The following CCDC187 variants were observed in gnomAD, a reference collection of about 807,000 sequenced individuals.
The protein encoded by CCDC187 is coiled-coil domain containing 187, also known as coiled-coil domain-containing protein 187.
CCDC187 carries 32 observed loss-of-function variants against 38.0 expected under a neutral mutation model. The observed-to-expected ratio is 0.84, with a 90% CI of 0.64 to 1.13. The LOEUF (loss-of-function observed/expected upper bound fraction) is 1.13, where lower values mean the gene tolerates loss of function less well. Among genes scored for constraint, CCDC187 ranks in the 50% most tolerant of loss-of-function variants. CCDC187 has a pLI of 0.00. For synonymous variants in CCDC187, 333 were observed against 347.9 expected (o/e 0.96, Z 0.48); for missense variants, 707 against 786.8 (o/e 0.90, Z 1.21).
At chr9:136,293,307 T>C (rs1205996082) in intron 4 of CCDC187, among the ~76,000 whole-genome samples, 2 of 136,132 alleles carry the variant, frequency 1.5e-5, no homozygotes, top group South Asian at 2.4e-4. Flanking sequence ...AAACACATGT[T>C]CACACACTCA....
chr9:136,262,016 C>T (rs1197810557), intron 19 of CCDC187, among the ~76,000 whole-genome samples: 5 of 152,250 alleles, frequency 3.3e-5, no homozygotes, highest in African/African-American at 7.2e-5. Flanking sequence ...GGTCATCACT[C>T]CCCCTCCCCT....
intron 7 of CCDC187, among the ~76,000 whole-genome samples, chr9:136,287,893 A>T (rs1831219226): frequency 6.6e-6 from 1 of 152,202 alleles, no homozygotes; most frequent in Non-Finnish European, 1.5e-5. Flanking sequence ...ATAGGGTCTC[A>T]CTATGTTGTC....
intron 2 of CCDC187, among the ~76,000 whole-genome samples, chr9:136,302,027 T>C (rs1213933205): frequency 1.3e-5 from 2 of 151,878 alleles, no homozygotes; most frequent in African/African-American, 2.4e-5. Flanking sequence ...CTGGCCAACA[T>C]GGTGAAACCC....
Position 136,257,916 on chromosome 9 carries a change from A to C in CCDC187, c.4366+1016T>G, listed in dbSNP as rs782161687. Reference sequence around the variant, plus strand: ...AGGGTGAACCCTAGACCACGTGAGAACATAAGTCAGGCCTCAGGCTCCTCC... The same window carrying C: ...AGGGTGAACCCTAGACCACGTGAGACCATAAGTCAGGCCTCAGGCTCCTCC... On this transcript the variant is annotated intron_variant, in intron 22 of 25. Transcript: ENST00000638797. This position sits in a 1 kb window ranked among gnomAD's most constrained non-coding sequence, Gnocchi z 4.5. Among the ~76,000 whole-genome samples the C allele has an allele frequency of 6.6e-6, 1 of 152,200 alleles. No homozygotes were observed. Among genetic ancestry groups the C allele is most frequent in the Non-Finnish European group, 1.5e-5 (1 of 68,028 alleles).
rs562756031 is a variant in CCDC187, at chr9:136,257,077, T to C, written c.4367-236A>G. ...AGCCAAAAGTTTAGAGAAAATTCGTTTAGAATTCAGAGGCCGGCTGGGCGC... is the reference window on the plus strand; with the variant it reads ...AGCCAAAAGTTTAGAGAAAATTCGTCTAGAATTCAGAGGCCGGCTGGGCGC... On this transcript the variant is annotated intron_variant, in intron 22 of 25. Coordinates refer to ENST00000638797, the MANE Select transcript of CCDC187 (RefSeq NM_001378188.1). This position sits in a 1 kb window ranked among gnomAD's most constrained non-coding sequence, Gnocchi z 4.5. Among the ~76,000 whole-genome samples the C allele has an allele frequency of 6.6e-6, 1 of 152,298 alleles. No individual in the cohort carries two copies. The highest frequency in any genetic ancestry group is 1.9e-4 in the East Asian group (1 of 5,168).
At chr9:136,294,810 C>T (rs1831494501) in intron 4 of CCDC187, among the ~76,000 whole-genome samples, 2 of 152,188 alleles carry the variant, frequency 1.3e-5, no homozygotes, top group African/African-American at 4.8e-5. Flanking sequence ...GGCCATGCCC[C>T]ACACCCACTT....
Position 136,286,256 on chromosome 9 carries a change from C to G in CCDC187, c.2662G>C (p.Ala888Pro), listed in dbSNP as rs1403068384. ...PTLATPACPGALGPNWGRGAP... is the reference protein window; with the variant it reads ...PTLATPACPGPLGPNWGRGAP... ...CCTCTGCCCCAGTTGGGCCCCAAGGCTCCAGGGCAGGCTGGGGTGGCAAGC... is the reference window on the plus strand; with the variant it reads ...CCTCTGCCCCAGTTGGGCCCCAAGGGTCCAGGGCAGGCTGGGGTGGCAAGC... Residue 888 changes from alanine to proline, a missense_variant, in exon 8 of 26, where the codon GCC becomes CCC. Physicochemically the swap from Ala to Pro is conservative, Grantham distance 27. Coordinates refer to ENST00000638797, the MANE Select transcript of CCDC187 (RefSeq NM_001378188.1). 2.5e-6 allele frequency: 1 copy of G among 398,492 alleles called. No homozygotes were observed. Among genetic ancestry groups the G allele is most frequent in the Non-Finnish European group, 4.4e-6 (1 of 226,054 alleles). 24.7% of individuals were successfully genotyped at this position (398,492 alleles called of 1,614,324 possible).
intron 4 of CCDC187, among the ~76,000 whole-genome samples, chr9:136,293,054 G>C (rs1337170928): frequency 1.3e-5 from 2 of 152,226 alleles, no homozygotes; most frequent in Non-Finnish European, 2.9e-5. Context: ...GGCAAAGGCC[G>C]GAGGTAGGGC....
At position 136,258,830 on chromosome 9, in the gene CCDC187, T is replaced by C. The variant is rs1477520607; in HGVS notation, c.4366+102A>G. 2 of 985,414 alleles carry C rather than the reference T, an allele frequency of 2.0e-6. No homozygotes were observed. The highest frequency in any genetic ancestry group is 2.4e-6 in the Non-Finnish European group (2 of 830,026). 61.0% of individuals were successfully genotyped at this position (985,414 alleles called of 1,614,324 possible). ...CAGGGCCCATCTTCTTTGCTTTCCG[T>C]CCTTGTCCAGTGGCTGAGCTCCAGC... is the stretch of plus-strand genomic sequence containing the variant. On this transcript the variant is annotated intron_variant, in intron 22 of 25. Coordinates refer to ENST00000638797, the MANE Select transcript of CCDC187 (RefSeq NM_001378188.1). This position sits in a 1 kb window ranked among gnomAD's most constrained non-coding sequence, Gnocchi z 4.3.
chr9:136,275,142 C>T (rs1830908221), intron 12 of CCDC187, 135 bp from the exon 13 acceptor site: 1 of 152,256 alleles, frequency 6.6e-6, no homozygotes, highest in East Asian at 1.9e-4. Context: ...ACCTCAGGGG[C>T]CTCTCTGTCC....
Position 136,250,463 on chromosome 9 carries a change from T to C in CCDC187, c.*3131A>G, listed in dbSNP as rs533328090. The C allele has an allele frequency of 3.2e-6, 1 of 311,560 alleles. No individual in the cohort carries two copies. The highest frequency in any genetic ancestry group is 2.7e-5 in the South Asian group (1 of 37,528). The allele number at this position is 311,560 out of a possible 1,614,324, so 19.3% of individuals were successfully genotyped here. On this transcript the variant is annotated 3_prime_UTR_variant, in exon 26 of 26. Coordinates refer to ENST00000638797, the MANE Select transcript of CCDC187 (RefSeq NM_001378188.1). ...CTGCGGGGCTTCAGTGGTGGAGATT[T>C]ATCGTCATGCCAGATGCGTGTGTGT... is the stretch of plus-strand genomic sequence containing the variant.
chr9:136,293,287 A>G (rs1192167041), intron 4 of CCDC187, among the ~76,000 whole-genome samples: 1 of 148,780 alleles, frequency 6.7e-6, no homozygotes, highest in African/African-American at 2.5e-5. Flanking sequence ...TAACATGCTC[A>G]CACACTCACA....
rs557754033 is a variant in CCDC187, at chr9:136,258,958, G to C, written c.4340C>G (p.Ser1447Cys). 2,080 of 985,704 alleles carry C rather than the reference G, an allele frequency of 2.1e-3. 6 individuals carry two copies. The highest frequency in any genetic ancestry group is 2.3e-3 in the Non-Finnish European group (1,938 of 830,180). The allele number at this position is 985,704 out of a possible 1,614,324, so 61.1% of individuals were successfully genotyped here. Reference protein sequence around the residue: ...EGRLPTAQCRSREVKEPPPGD... With the variant: ...EGRLPTAQCRCREVKEPPPGD... The stretch of plus-strand genomic sequence containing the variant: ...TGGGGGTGGCTCCTTCACCTCCCGA[G>C]ACCTGCACTGAGCTGTGGGGAGGCG... The change falls in exon 22 of 26, where the codon TCT becomes TGT. Residue 1447 changes from serine (S) to cysteine (C), a missense_variant. Transcript: ENST00000638797. This position sits in a 1 kb window ranked among gnomAD's most constrained non-coding sequence, Gnocchi z 4.3.
chr9:136,272,617 C>G (rs903919572), intron 14 of CCDC187, among the ~76,000 whole-genome samples: 9 of 151,804 alleles, frequency 5.9e-5, no homozygotes, highest in Admixed American at 6.6e-5. Flanking sequence ...GCAGGAGAAT[C>G]GCTTGAACCT....
chr9:136,257,445 T>C lies in CCDC187; in HGVS notation c.4367-604A>G, dbSNP rs1830627592. ...TTTCCCTCCCTTGGGGGAAACCTTT[T>C]GCCAGAGCTTGTTCTTCCCCCTCGG... On this transcript the variant is annotated intron_variant, in intron 22 of 25. Coordinates refer to ENST00000638797, the MANE Select transcript of CCDC187 (RefSeq NM_001378188.1). This position sits in a 1 kb window ranked among gnomAD's most constrained non-coding sequence, Gnocchi z 4.5. 6.6e-6 allele frequency among the ~76,000 whole-genome samples: 1 copy of C among 152,088 alleles called. No individual in the cohort carries two copies. The highest frequency in any genetic ancestry group is 2.1e-4 in the South Asian group (1 of 4,824).
intron 6 of CCDC187, 32 bp from the exon 7 acceptor site, chr9:136,290,085 C>T (rs1362402924): frequency 2.5e-6 from 1 of 398,664 alleles, no homozygotes; most frequent in Non-Finnish European, 4.4e-6. Flanking sequence ...TCAGAGCCCC[C>T]CGCTCGGGAA....
In CCDC187 at chr9:136,256,142, G is replaced by T. The variant is rs548247665; in HGVS notation, c.4616+69C>A. The stretch of plus-strand genomic sequence containing the variant: ...TGAGGGTCCCCACAGCAGGGGGACA[G>T]GGGGTACCGGCTGAACCCGTCTCCG... On this transcript the variant is annotated intron_variant, in intron 24 of 25. Coordinates refer to ENST00000638797, the MANE Select transcript of CCDC187 (RefSeq NM_001378188.1). 4 of 829,454 alleles carry T rather than the reference G, an allele frequency of 4.8e-6. No individual in the cohort carries two copies. The African/African-American group carries it at 7.4e-5, about 15-fold the overall frequency. 51.4% of individuals were successfully genotyped at this position (829,454 alleles called of 1,614,324 possible).
At chr9:136,296,706 C>T (rs1831544231) in intron 4 of CCDC187, 1 of 152,266 alleles carries the variant, frequency 6.6e-6, no homozygotes, top group Non-Finnish European at 1.5e-5. Flanking sequence ...TCAGGTTCGC[C>T]CTGCAAGCTC....
In CCDC187 at chr9:136,281,115, C is replaced by T. The variant is rs1043094824; in HGVS notation, c.3040+436G>A. 170 of 287,288 alleles carry T rather than the reference C, an allele frequency of 5.9e-4. 1 individual carries two copies. Among genetic ancestry groups the T allele is most frequent in the Non-Finnish European group, 7.7e-5 (12 of 155,608 alleles). The allele number at this position is 287,288 out of a possible 1,614,324, so 17.8% of individuals were successfully genotyped here. ...TCCTACAGCGCAGCCCACGCCAGCA[C>T]GAGGCCCTCAAGCCCAGGGCTTCAG... On this transcript the variant is annotated intron_variant, in intron 10 of 25. Transcript: ENST00000638797.
Sources: allele counts gnomAD v4.1 joint callset (sites outside exome capture counted in the v4.1 genomes callset), GRCh38; gene constraint gnomAD v4.1.1; non-coding constraint Gnocchi (gnomAD v3.1); transcripts MANE v1.5; gene names NCBI Gene and HGNC (gene_info 2026-07-23, HGNC 2026-07-21).